The following DPP9 variants were observed in gnomAD, a reference collection of about 807,000 sequenced individuals.
The protein encoded by DPP9 is dipeptidyl peptidase 9.
DPP9 carries 50 observed loss-of-function variants against 110.7 expected under a neutral mutation model. That is an observed-to-expected ratio of 0.45 (90% CI 0.36 to 0.57). The LOEUF is 0.57. Among genes scored for constraint, DPP9 ranks in the 20% least tolerant of loss-of-function variants. DPP9 has a pLI of 0.00. For synonymous variants in DPP9, 561 were observed against 514.4 expected, an observed-to-expected ratio of 1.09 and a Z score of -1.23; for missense variants, 1,022 against 1,217.9, an observed-to-expected ratio of 0.84 and a Z score of 2.39.
chr19:4,688,249 A>G (rs2090980139), intron 16 of DPP9: 1 of 152,656 alleles, frequency 6.6e-6, no homozygotes, highest in South Asian at 2.1e-4. Flanking sequence ...AGCTAGGACT[A>G]CATGTGCACA....
Position 4,685,676 on chromosome 19 carries a change from G to T in DPP9, c.1981C>A (p.Gln661Lys), listed in dbSNP as rs2090597392. The change falls in exon 17 of 22, where the codon CAG becomes AAG. Residue 661 changes from glutamine (Q) to lysine (K), a missense_variant. Gln to Lys is a moderately conservative substitution (Grantham distance 53, BLOSUM62 1). Coordinates refer to ENST00000262960, the MANE Select transcript of DPP9 (RefSeq NM_139159.5). This position sits in a 1 kb window ranked among gnomAD's most constrained non-coding sequence, Gnocchi z 5.8. Reference protein sequence around the residue: ...YGMIYKPHALQPGKKHPTVLF... With the variant: ...YGMIYKPHALKPGKKHPTVLF... The stretch of plus-strand genomic sequence containing the variant: ...ACGGTGGGGTGCTTCTTCCCTGGCT[G>T]CAAGGCGTGGGGCTTGTAGATCATG... 1.9e-6 allele frequency: 3 copies of T among 1,612,920 alleles called. No individual in the cohort carries two copies. Among genetic ancestry groups the T allele is most frequent in the Non-Finnish European group, 2.5e-6 (3 of 1,179,614 alleles).
intron 13 of DPP9, among the ~76,000 whole-genome samples, chr19:4,692,480 C>T (rs150754700): frequency 2.0e-4 from 30 of 152,256 alleles, no homozygotes; most frequent in African/African-American, 5.5e-4. Flanking sequence ...CTCCTGCCCG[C>T]GTCCCGACGT....
At chr19:4,720,272 G>A (rs764206121) in intron 2 of DPP9, among the ~76,000 whole-genome samples, 7 of 152,152 alleles carry the variant, frequency 4.6e-5, no homozygotes, top group South Asian at 4.1e-4. Flanking sequence ...CACTGTGGCC[G>A]TTGCCTGATG....
rs150404818 is a variant in DPP9 at position 4,694,232 on chromosome 19, G to A, written c.1516+429C>T. ...AAATGTTTCTACAAAGGGCTAGACA[G>A]TAAATCTTGGCCTTGCACAACAGTT... On this transcript the variant is annotated intron_variant, in intron 13 of 21. Coordinates refer to ENST00000262960, the MANE Select transcript of DPP9 (RefSeq NM_139159.5). The surrounding 1 kb of genome is among the most constrained non-coding windows in gnomAD (Gnocchi z 4.0). 7.3e-6 allele frequency: 2 copies of A among 273,742 alleles called. No homozygotes were observed. Among genetic ancestry groups the A allele is most frequent in the Non-Finnish European group, 1.4e-5 (2 of 146,714 alleles). 17.0% of individuals were successfully genotyped at this position (273,742 alleles called of 1,614,324 possible). A position where few individuals can be genotyped will look rare whatever the true frequency, so the allele number is the denominator to read the frequency against.
At chr19:4,683,100 C>T in intron 19 of DPP9, 1 of 1,399,678 alleles carries the variant, frequency 7.1e-7, no homozygotes, top group Non-Finnish European at 9.4e-7. Flanking sequence ...TGCCCGTCTG[C>T]CTCCTCCTCC....
chr19:4,712,895 C>A (rs761782774), intron 4 of DPP9, among the ~76,000 whole-genome samples: 1 of 152,214 alleles, frequency 6.6e-6, no homozygotes. Flanking sequence ...CAGAGGATGA[C>A]GGCCGTTCAC....
At chr19:4,703,064 G>A (rs550291395) in intron 7 of DPP9, among the ~76,000 whole-genome samples, 6 of 151,590 alleles carry the variant, frequency 4.0e-5, no homozygotes, top group Non-Finnish European at 8.8e-5. Flanking sequence ...TCTGGACATC[G>A]CCGAGTGGCC....
Position 4,684,523 on chromosome 19 carries a change from C to CA in DPP9, c.2178+139dup. 1 of 951,850 alleles carries CA rather than the reference C, an allele frequency of 1.1e-6. No individual in the cohort carries two copies. The highest frequency in any genetic ancestry group is 2.3e-4 in the Middle Eastern group (1 of 4,398). The allele number at this position is 951,850 out of a possible 1,614,324, so 59.0% of individuals were successfully genotyped here. On this transcript the variant is annotated intron_variant, in intron 18 of 21. Transcript: ENST00000262960. This position sits in a 1 kb window ranked among gnomAD's most constrained non-coding sequence, Gnocchi z 4.8. ...CCCCTTTTGTTCTAAAAGGGCGCCTCATTGAGCCTGCGTCACCCCAGCCAG... is the reference window on the plus strand; with the variant it reads ...CCCCTTTTGTTCTAAAAGGGCGCCTCAATTGAGCCTGCGTCACCCCAGCCAG...
intron 10 of DPP9, among the ~76,000 whole-genome samples, chr19:4,697,890 G>A (rs75586752): frequency 6.6e-6 from 1 of 152,274 alleles, no homozygotes; most frequent in African/African-American, 2.4e-5. Context: ...GTCCTTACAG[G>A]GGGACACATA....
chr19:4,683,788 A>C lies in DPP9; in HGVS notation c.2179-159T>G, dbSNP rs111882879. ...CCAGGCCCTGCTAACCCTGCCTGCT[A>C]TCTGGGGATGGCTGGACAGATCCAG... On this transcript the variant is annotated intron_variant, in intron 18 of 21. Transcript: ENST00000262960. The C allele has an allele frequency of 7.4e-4, 1,147 of 1,550,826 alleles. 12 individuals carry two copies. In the African/African-American group the frequency reaches 0.014, roughly 19 times the overall value.
intron 2 of DPP9, 106 bp from the exon 3 acceptor site, chr19:4,720,047 A>G: frequency 1.2e-6 from 1 of 858,720 alleles, no homozygotes; most frequent in Non-Finnish European, 1.8e-6. Flanking sequence ...GCAGCCCCCC[A>G]AGCCTCCGGG....
chr19:4,712,927 G>A (rs995146671), intron 4 of DPP9, among the ~76,000 whole-genome samples: 1 of 152,196 alleles, frequency 6.6e-6, no homozygotes, highest in African/African-American at 2.4e-5. Context: ...CTGGCTGGGG[G>A]CTGCAGCACA....
Position 4,702,167 on chromosome 19 carries a change from T to C in DPP9, c.884-12A>G, listed in dbSNP as rs902356459. The C allele has an allele frequency of 1.9e-6, 3 of 1,603,508 alleles. No individual in the cohort carries two copies. The highest frequency in any genetic ancestry group is 1.3e-5 in the African/African-American group (1 of 74,612). Reference sequence around the variant, plus strand: ...GAGGCCCTCTGAACCTTGGGTGGGGTGGTGGAAAAACTGCTGAGGGTGCCA... The same window carrying C: ...GAGGCCCTCTGAACCTTGGGTGGGGCGGTGGAAAAACTGCTGAGGGTGCCA... On this transcript the variant is annotated splice_polypyrimidine_tract_variant and intron_variant, in intron 8 of 21. Coordinates refer to ENST00000262960, the MANE Select transcript of DPP9 (RefSeq NM_139159.5).
Position 4,682,727 on chromosome 19 carries a change from C to G in DPP9, c.2443G>C (p.Val815Leu). Residue 815 changes from valine to leucine, a missense_variant, in exon 20 of 22, where the codon GTG becomes CTG. Coordinates refer to ENST00000262960, the MANE Select transcript of DPP9 (RefSeq NM_139159.5). The surrounding 1 kb of genome is among the most constrained non-coding windows in gnomAD (Gnocchi z 7.1). The stretch of plus-strand genomic sequence containing the variant: ...GGCAGCTTCTCCACGTGCAGGGCCA[C>G]GGAACCCGCCTCATAGCCGTGCTGG... ...NNQHGYEAGS[V>L]ALHVEKLPNE... The G allele has an allele frequency of 6.2e-7, 1 of 1,609,172 alleles. No homozygotes were observed. Among genetic ancestry groups the G allele is most frequent in the Non-Finnish European group, 8.5e-7 (1 of 1,178,082 alleles).
chr19:4,690,746 C>T (rs372117838), intron 14 of DPP9, 132 bp downstream of exon 14: 14 of 744,528 alleles, frequency 1.9e-5, no homozygotes, highest in African/African-American at 6.9e-5. Context: ...GGTGTGTGTG[C>T]GTGTGTGTAT....
Position 4,694,650 on chromosome 19 carries a change from G to A in DPP9, c.1516+11C>T. ...GCGATGAGTCGACAGCATTCGTCAG[G>A]CTCTGCTCACCTTCCCCGGGGCTGA... On this transcript the variant is annotated intron_variant, in intron 13 of 21. Transcript: ENST00000262960. This position sits in a 1 kb window ranked among gnomAD's most constrained non-coding sequence, Gnocchi z 4.0. 6.2e-7 allele frequency: 1 copy of A among 1,608,310 alleles called. No homozygotes were observed. The highest frequency in any genetic ancestry group is 8.5e-7 in the Non-Finnish European group (1 of 1,177,246).
At chr19:4,699,090 C>T (rs1003225350) in intron 10 of DPP9, among the ~76,000 whole-genome samples, 3 of 133,588 alleles carry the variant, frequency 2.2e-5, no homozygotes, top group Non-Finnish European at 4.6e-5. Context: ...ACCCGGGAGG[C>T]GGAGCTTGCA....
intron 19 of DPP9, chr19:4,683,206 C>A: frequency 7.0e-7 from 1 of 1,427,252 alleles, no homozygotes; most frequent in South Asian, 1.4e-5. Context: ...CCATCCGAGG[C>A]CGGGGTCCCG....
In DPP9 at chr19:4,685,203, G is replaced by A. The variant is rs1308232744; in HGVS notation, c.2032-394C>T. ...ATGAACCACAAAGTACCCAGACATC[G>A]CCCCGTATCCTCTGTGGGGACAGAG... is the stretch of plus-strand genomic sequence containing the variant. On this transcript the variant is annotated intron_variant, in intron 17 of 21. Transcript: ENST00000262960. This position sits in a 1 kb window ranked among gnomAD's most constrained non-coding sequence, Gnocchi z 5.8. 5 of 521,104 alleles carry A rather than the reference G, an allele frequency of 9.6e-6. No homozygotes were observed. The highest frequency in any genetic ancestry group is 5.7e-5 in the African/African-American group (3 of 52,592). 32.3% of individuals were successfully genotyped at this position (521,104 alleles called of 1,614,324 possible).
Sources: allele counts gnomAD v4.1 joint callset (sites outside exome capture counted in the v4.1 genomes callset), GRCh38; gene constraint gnomAD v4.1.1; non-coding constraint Gnocchi (gnomAD v3.1); transcripts MANE v1.5; gene names NCBI Gene and HGNC (gene_info 2026-07-23, HGNC 2026-07-21).